Variants in RAPH1 observed in about 807,000 individuals in gnomAD.
The protein encoded by RAPH1 is Ras association (RalGDS/AF-6) and pleckstrin homology domains 1, also known as ras-associated and pleckstrin homology domains-containing protein 1.
A neutral mutation model predicts 88.1 loss-of-function variants in RAPH1; 18 were observed. The ratio of observed to expected loss-of-function variants is 0.20; its 90% CI spans 0.14 to 0.30. RAPH1 has a LOEUF of 0.30. Among genes scored for constraint, RAPH1 ranks in the 10% least tolerant of loss-of-function variants. The pLI is 1.00. For synonymous variants in RAPH1, 587 were observed against 559.0 expected (o/e 1.05, Z -0.71); for missense variants, 1,448 against 1,543.2 (o/e 0.94, Z 1.03).
At position 203,440,249 on chromosome 2, in the gene RAPH1, T is replaced by C; in HGVS notation, c.2941A>G (p.Ile981Val). The C allele has an allele frequency of 1.2e-6, 2 of 1,614,040 alleles. No individual in the cohort carries two copies. Among genetic ancestry groups the C allele is most frequent in the Non-Finnish European group, 1.7e-6 (2 of 1,180,016 alleles). ...TGCTCTGCACCACTGCTGGATTTAATGCTGGAGTTGCGCTGTGGGGTTGGG... is the reference window on the plus strand; with the variant it reads ...TGCTCTGCACCACTGCTGGATTTAACGCTGGAGTTGCGCTGTGGGGTTGGG... ...PPPTPQRNSSIKSSSGAEHPE... is the reference protein window; with the variant it reads ...PPPTPQRNSSVKSSSGAEHPE... The change falls in exon 14 of 14, where the codon ATT becomes GTT. Residue 981 changes from isoleucine (I) to valine (V), a missense_variant. Ile to Val is a conservative substitution (Grantham distance 29). Transcript: ENST00000319170.
chr2:203,441,125 G>T lies in RAPH1; in HGVS notation c.2065C>A (p.Pro689Thr). 1 of 1,612,144 alleles carries T rather than the reference G, an allele frequency of 6.2e-7. No individual in the cohort carries two copies. The highest frequency in any genetic ancestry group is 8.5e-7 in the Non-Finnish European group (1 of 1,179,336). Residue 689 changes from proline to threonine, a missense_variant, in exon 14 of 14, where the codon CCC (proline) becomes ACC (threonine). Physicochemically the swap from Pro to Thr is conservative, Grantham distance 38. Transcript: ENST00000319170. ...HSGALFKPPT[P>T]PVMQSQSVKP... is the part of the protein sequence containing the mutation. Reference sequence around the variant, plus strand: ...ACTGACTGTGACTGCATCACTGGGGGTGTTGGCGGCTTAAACAGGGCCCCT... The same window carrying T: ...ACTGACTGTGACTGCATCACTGGGGTTGTTGGCGGCTTAAACAGGGCCCCT...
In RAPH1 at chr2:203,529,510, C is replaced by T. The variant is rs545519285; in HGVS notation, c.-1+5601G>A. Among the ~76,000 whole-genome samples the T allele has an allele frequency of 3.3e-5, 5 of 152,102 alleles. No homozygotes were observed. The East Asian group carries it at 9.7e-4, about 29-fold the overall frequency. On this transcript the variant is annotated intron_variant, in intron 1 of 13. Coordinates refer to ENST00000319170, the MANE Select transcript of RAPH1 (RefSeq NM_213589.3). Reference sequence around the variant, plus strand: ...CTGAGTAGCTGGGATTACAGGCATGCGCCACCACGCCCGACTAATTTTTTG... The same window carrying T: ...CTGAGTAGCTGGGATTACAGGCATGTGCCACCACGCCCGACTAATTTTTTG...
intron 1 of RAPH1, among the ~76,000 whole-genome samples, chr2:203,527,627 C>T (rs1176224414): frequency 2.0e-5 from 3 of 151,696 alleles, no homozygotes; most frequent in Non-Finnish European, 2.9e-5. Context: ...AGAGTAACCC[C>T]GTCTCTACTA....
At chr2:203,449,883 C>T (rs549046853) in intron 10 of RAPH1, among the ~76,000 whole-genome samples, 6 of 151,978 alleles carry the variant, frequency 3.9e-5, no homozygotes, top group South Asian at 2.1e-4. Context: ...ATTAGTTGGA[C>T]GTGGTGGTGC....
chr2:203,472,378 C>T (rs1227337929), intron 4 of RAPH1, among the ~76,000 whole-genome samples: 1 of 152,136 alleles, frequency 6.6e-6, no homozygotes, highest in African/African-American at 2.4e-5. Context: ...GTGATCCGCC[C>T]GCCTTGGCCT....
intron 1 of RAPH1, among the ~76,000 whole-genome samples, chr2:203,501,916 C>T (rs543869954): frequency 6.6e-6 from 1 of 152,118 alleles, no homozygotes; most frequent in South Asian, 2.1e-4. Flanking sequence ...GCAGCCTTGA[C>T]CTTCTGGGCT....
At chr2:203,486,694 T>A (rs750206170) in intron 4 of RAPH1, among the ~76,000 whole-genome samples, 1 of 152,210 alleles carries the variant, frequency 6.6e-6, no homozygotes, top group Non-Finnish European at 1.5e-5. Context: ...AAAATATTTT[T>A]AAAACTGTAT....
At chr2:203,499,159 G>A (rs892523495) in intron 1 of RAPH1, among the ~76,000 whole-genome samples, 5 of 152,266 alleles carry the variant, frequency 3.3e-5, no homozygotes, top group Non-Finnish European at 7.4e-5. Context: ...CAAAGCTAGC[G>A]TGTTTTAAAC....
At chr2:203,480,418 C>A (rs1559475150) in intron 4 of RAPH1, among the ~76,000 whole-genome samples, 1 of 152,026 alleles carries the variant, frequency 6.6e-6, no homozygotes, top group Non-Finnish European at 1.5e-5. Flanking sequence ...TGTGGTGGTG[C>A]GCGCCTATAG....
intron 1 of RAPH1, among the ~76,000 whole-genome samples, chr2:203,519,982 T>C (rs1391049817): frequency 6.6e-6 from 1 of 152,158 alleles, no homozygotes; most frequent in Non-Finnish European, 1.5e-5. Flanking sequence ...AAAAGCTTTG[T>C]CACTGGAATT....
At chr2:203,480,369 C>A (rs1222050276) in intron 4 of RAPH1, among the ~76,000 whole-genome samples, 1 of 152,044 alleles carries the variant, frequency 6.6e-6, no homozygotes, top group Non-Finnish European at 1.5e-5. Context: ...GCCAACAGGG[C>A]AAAACGCCGT....
chr2:203,453,954 A>C (rs1043565801), intron 10 of RAPH1, among the ~76,000 whole-genome samples: 4 of 152,206 alleles, frequency 2.6e-5, no homozygotes, highest in African/African-American at 9.7e-5. Flanking sequence ...GTCACAATAC[A>C]TACATGGGCT....
intron 4 of RAPH1, among the ~76,000 whole-genome samples, chr2:203,481,988 A>G (rs1170763330): frequency 6.8e-6 from 1 of 146,636 alleles, no homozygotes; most frequent in African/African-American, 2.4e-5. Context: ...CTAAACCTAA[A>G]GATGCTTTTT....
chr2:203,530,658 G>C (rs779756331), intron 1 of RAPH1, among the ~76,000 whole-genome samples: 100 of 152,300 alleles, frequency 6.6e-4, no homozygotes, highest in Middle Eastern at 6.8e-3. Context: ...TTGGGAAGCC[G>C]AGGTAGGTAG....
intron 1 of RAPH1, among the ~76,000 whole-genome samples, chr2:203,506,031 C>A (rs150322640): frequency 6.6e-6 from 1 of 152,094 alleles, no homozygotes; most frequent in East Asian, 1.9e-4. Context: ...GAAAGCCTCA[C>A]GAGGGAGGCA....
chr2:203,442,939 A>G (rs901686066), intron 13 of RAPH1: 2 of 152,200 alleles, frequency 1.3e-5, no homozygotes, highest in African/African-American at 4.8e-5. Context: ...CAACTTCTTT[A>G]GTACATTTTT....
intron 1 of RAPH1, among the ~76,000 whole-genome samples, chr2:203,519,650 A>G (rs1689777140): frequency 6.6e-6 from 1 of 152,200 alleles, no homozygotes; most frequent in Non-Finnish European, 1.5e-5. Flanking sequence ...ACAAGATAAT[A>G]ATAAGATAAT....
intron 1 of RAPH1, among the ~76,000 whole-genome samples, chr2:203,506,745 T>TAG (rs1461990033): frequency 9.1e-6 from 1 of 110,056 alleles, no homozygotes; most frequent in African/African-American, 5.9e-5. Context: ...TATATATCTA[T>TAG]ATATATATAT....
Position 203,438,000 on chromosome 2 carries a change from C to T in RAPH1, c.*1437G>A, listed in dbSNP as rs1306549895. On this transcript the variant is annotated 3_prime_UTR_variant, in exon 14 of 14. Transcript: ENST00000319170. ...GAGAGTACTTATTTCTCTCATGTAC[C>T]AAGGAAAATTCACAGAAAAAAGCAT... 8.4e-6 allele frequency: 3 copies of T among 358,510 alleles called. No individual in the cohort carries two copies. Among genetic ancestry groups the T allele is most frequent in the East Asian group, 7.8e-5 (1 of 12,876 alleles). 22.2% of individuals were successfully genotyped at this position (358,510 alleles called of 1,614,324 possible). A position where few individuals can be genotyped will look rare whatever the true frequency, so the allele number is the denominator to read the frequency against.
Sources: allele counts gnomAD v4.1 joint callset (sites outside exome capture counted in the v4.1 genomes callset), GRCh38; gene constraint gnomAD v4.1.1; transcripts MANE v1.5; gene names NCBI Gene and HGNC (gene_info 2026-07-23, HGNC 2026-07-21).